Variants in TSHZ2 observed in about 807,000 individuals in gnomAD.
TSHZ2 encodes the protein teashirt homolog 2.
Under a neutral mutation model 74.4 loss-of-function variants are expected in TSHZ2, and 21 were observed. That is an observed-to-expected ratio of 0.28 (90% confidence interval 0.20 to 0.41). The LOEUF (loss-of-function observed/expected upper bound fraction) is 0.41. Among genes scored for constraint, TSHZ2 ranks in the 10% least tolerant of loss-of-function variants. The probability of loss-of-function intolerance (pLI) is 1.00; values close to 1 mark genes in which losing one functional copy is unlikely to be tolerated. For synonymous variants in TSHZ2, 540 were observed against 515.3 expected, an observed-to-expected ratio of 1.05 and a Z score of -0.65; for missense variants, 1,244 against 1,293.5, an observed-to-expected ratio of 0.96 and a Z score of 0.59.
At chr20:53,197,523 G>A (rs1323204785) in intron 1 of TSHZ2, among the ~76,000 whole-genome samples, 1 of 152,094 alleles carries the variant, frequency 6.6e-6, no homozygotes, top group Admixed American at 6.5e-5. Context: ...ATTTACTCTT[G>A]CAAACTGAAA....
rs531196109 is a variant in TSHZ2 at position 53,444,976 on chromosome 20, T to C, written c.*9-42168T>C. Among the ~76,000 whole-genome samples, 13 of 152,348 alleles carry C rather than the reference T, an allele frequency of 8.5e-5. No individual in the cohort carries two copies. In the East Asian group the frequency reaches 2.5e-3, roughly 29 times the overall value. Reference sequence around the variant, plus strand: ...CATGTCTGCTGGTAGGCCTCTGTCATGAGCATTGAGGCCGATGTGGTTCAG... The same window carrying C: ...CATGTCTGCTGGTAGGCCTCTGTCACGAGCATTGAGGCCGATGTGGTTCAG... On this transcript the variant is annotated intron_variant, in intron 2 of 2. Transcript: ENST00000371497.
At chr20:52,978,071 T>C (rs140242949) in intron 1 of TSHZ2, among the ~76,000 whole-genome samples, 23 of 152,314 alleles carry the variant, frequency 1.5e-4, no homozygotes, top group African/African-American at 5.5e-4. Context: ...AGCTTGACTT[T>C]TGTCATAGTC....
At chr20:53,222,838 A>G (rs1989594820) in intron 1 of TSHZ2, among the ~76,000 whole-genome samples, 1 of 152,246 alleles carries the variant, frequency 6.6e-6, no homozygotes, top group Non-Finnish European at 1.5e-5. Flanking sequence ...TTTACTATTC[A>G]GATTGTCTTT....
intron 1 of TSHZ2, among the ~76,000 whole-genome samples, chr20:53,204,399 T>TAATATAA (rs1989109922): frequency 4.0e-5 from 6 of 149,740 alleles, no homozygotes; most frequent in African/African-American, 1.5e-4. Flanking sequence ...TACTATATCA[T>TAATATAA]CATATAACAT....
intron 1 of TSHZ2, among the ~76,000 whole-genome samples, chr20:53,019,319 G>C (rs958440865): frequency 5.9e-5 from 9 of 151,600 alleles, no homozygotes; most frequent in Non-Finnish European, 1.3e-4. Flanking sequence ...TATAGAATTA[G>C]AGCCTTCTTT....
chr20:53,464,235 G>A (rs1444582419), intron 2 of TSHZ2, among the ~76,000 whole-genome samples: 1 of 152,206 alleles, frequency 6.6e-6, no homozygotes, highest in Non-Finnish European at 1.5e-5. Context: ...GGGGAGACAT[G>A]TCAAACAGTG....
intron 1 of TSHZ2, among the ~76,000 whole-genome samples, chr20:53,238,836 TAAAAAAAAAAA>T (rs746136673): frequency 1.5e-5 from 1 of 65,996 alleles, no homozygotes; most frequent in Admixed American, 1.8e-4. Context: ...ATCTTATATC[TAAAAAAAAAAA>T]AAAAAAAAAA....
intron 1 of TSHZ2, among the ~76,000 whole-genome samples, chr20:52,982,043 G>A (rs8125969): frequency 0.061 from 9,327 of 152,212 alleles, 937 homozygotes; most frequent in African/African-American, 0.21. Flanking sequence ...CTTCATGATG[G>A]CAATAGCTTT....
At chr20:53,138,625 T>G (rs1013629074) in intron 1 of TSHZ2, among the ~76,000 whole-genome samples, 3 of 152,148 alleles carry the variant, frequency 2.0e-5, no homozygotes, top group African/African-American at 7.2e-5. Flanking sequence ...TATTCTAGAT[T>G]GTATTTTTCT....
At chr20:53,434,080 G>A (rs1243703072) in intron 2 of TSHZ2, among the ~76,000 whole-genome samples, 1 of 152,080 alleles carries the variant, frequency 6.6e-6, no homozygotes, top group Non-Finnish European at 1.5e-5. Flanking sequence ...CATGTTGGCT[G>A]GGCTGATCTT....
chr20:53,123,388 C>CTGCT (rs1218577677), intron 1 of TSHZ2, among the ~76,000 whole-genome samples: 1 of 152,104 alleles, frequency 6.6e-6, no homozygotes, highest in Non-Finnish European at 1.5e-5. Context: ...ATTACAGCCT[C>CTGCT]TGCTTGTCTG....
intron 2 of TSHZ2, among the ~76,000 whole-genome samples, chr20:53,363,998 A>G: frequency 6.6e-6 from 1 of 152,250 alleles, no homozygotes; most frequent in Non-Finnish European, 1.5e-5. Context: ...GATAATAATA[A>G]AAACATATGG....
At chr20:53,068,348 C>T (rs1488503840) in intron 1 of TSHZ2, among the ~76,000 whole-genome samples, 2 of 152,024 alleles carry the variant, frequency 1.3e-5, no homozygotes, top group Non-Finnish European at 2.9e-5. Flanking sequence ...TGTTGTTGTC[C>T]TTCTCATAAT....
chr20:53,082,180 A>C (rs765508651), intron 1 of TSHZ2, among the ~76,000 whole-genome samples: 1 of 152,212 alleles, frequency 6.6e-6, no homozygotes, highest in South Asian at 2.1e-4. Flanking sequence ...GCCTTCACTC[A>C]AGATGACCCA....
At chr20:53,119,399 A>T (rs761065275) in intron 1 of TSHZ2, among the ~76,000 whole-genome samples, 8 of 152,204 alleles carry the variant, frequency 5.3e-5, no homozygotes, top group Non-Finnish European at 1.0e-4. Context: ...ACACAACTAA[A>T]TGAGACATTG....
At chr20:53,257,555 C>T (rs1990509419) in intron 2 of TSHZ2, among the ~76,000 whole-genome samples, 3 of 152,234 alleles carry the variant, frequency 2.0e-5, no homozygotes, top group Non-Finnish European at 4.4e-5. Context: ...CAGCCATTTT[C>T]AAATGTTGAG....
intron 1 of TSHZ2, among the ~76,000 whole-genome samples, chr20:53,230,729 A>T (rs1989804672): frequency 6.6e-6 from 1 of 152,054 alleles, no homozygotes; most frequent in Non-Finnish European, 1.5e-5. Context: ...CGTCTTTACT[A>T]AAAATACAAA....
chr20:53,448,386 C>T (rs1303553735), intron 2 of TSHZ2, among the ~76,000 whole-genome samples: 1 of 152,148 alleles, frequency 6.6e-6, no homozygotes, highest in Non-Finnish European at 1.5e-5. Flanking sequence ...TCTGGTGTCT[C>T]ATTGTCCAGA....
intron 2 of TSHZ2, among the ~76,000 whole-genome samples, chr20:53,351,918 TGTACTGCTA>T (rs1980659222): frequency 6.6e-6 from 1 of 152,212 alleles, no homozygotes; most frequent in African/African-American, 2.4e-5. Context: ...TTTCCTAATT[TGTACTGCTA>T]GTCACTCCCT....
Sources: gnomAD v4.1 joint callset for allele counts (sites outside exome capture counted in the v4.1 genomes callset) on GRCh38, gnomAD v4.1.1 for gene constraint, MANE v1.5 for transcripts, NCBI Gene and HGNC (gene_info 2026-07-23, HGNC 2026-07-21) for gene names.